C12orf42: variants seen among roughly 807,000 people sequenced by gnomAD.
The protein encoded by C12orf42 is chromosome 12 open reading frame 42.
A neutral mutation model predicts 21.6 loss-of-function variants in C12orf42; 25 were observed. The observed-to-expected ratio is 1.16, with a 90% CI of 0.84 to 1.62. The LOEUF (loss-of-function observed/expected upper bound fraction) is 1.62. Ranked by LOEUF, C12orf42 falls within the 40% of genes most tolerant of loss-of-function variation. The pLI, the probability that C12orf42 is intolerant of heterozygous loss-of-function variation, is 0.00. For synonymous variants in C12orf42, 174 were observed against 175.0 expected, an observed-to-expected ratio of 0.99 and a Z score of 0.05; for missense variants, 483 against 459.3, an observed-to-expected ratio of 1.05 and a Z score of -0.47.
intron 2 of C12orf42, among the ~76,000 whole-genome samples, chr12:103,409,712 T>C (rs2048690453): frequency 6.6e-6 from 1 of 152,160 alleles, no homozygotes; most frequent in Non-Finnish European, 1.5e-5. Context: ...TGCAGATAAA[T>C]AAGATTTTTT....
chr12:103,240,132 A>G (rs914341245), intron 10 of C12orf42, among the ~76,000 whole-genome samples: 1 of 152,218 alleles, frequency 6.6e-6, no homozygotes, highest in Non-Finnish European at 1.5e-5. Flanking sequence ...ATAAACGTCA[A>G]CATTTATTAG....
chr12:103,356,693 CCTGA>C (rs1389721840), intron 4 of C12orf42, among the ~76,000 whole-genome samples: 1 of 151,752 alleles, frequency 6.6e-6, no homozygotes, highest in African/African-American at 2.4e-5. Context: ...CCTGTTGTTT[CCTGA>C]CTTTTTAATG....
the C12orf42 span, among the ~76,000 whole-genome samples, chr12:103,192,001 T>C: frequency 6.6e-6 from 1 of 151,952 alleles, no homozygotes; most frequent in African/African-American, 2.4e-5. Flanking sequence ...AAAAATTCTA[T>C]AGTATACAAT....
At chr12:103,447,965 A>G (rs1383508474) in intron 2 of C12orf42, among the ~76,000 whole-genome samples, 3 of 152,054 alleles carry the variant, frequency 2.0e-5, no homozygotes, top group African/African-American at 7.3e-5. Flanking sequence ...ATGTGGAACC[A>G]AAAAAGAGCC....
the C12orf42 span, among the ~76,000 whole-genome samples, chr12:103,133,224 A>G: frequency 7.2e-5 from 11 of 152,028 alleles, no homozygotes; most frequent in Admixed American, 7.2e-4. Context: ...TGGCCTGCTC[A>G]ACCCATCACA....
the C12orf42 span, among the ~76,000 whole-genome samples, chr12:103,104,320 A>G: frequency 1.3e-5 from 2 of 152,368 alleles, no homozygotes; most frequent in East Asian, 3.9e-4. Context: ...ACTCCAAGAT[A>G]TCAGCATAAA....
chr12:103,491,867 G>A (rs770537576), intron 1 of C12orf42, among the ~76,000 whole-genome samples: 7 of 152,152 alleles, frequency 4.6e-5, no homozygotes, highest in Non-Finnish European at 1.0e-4. Context: ...CTTATTCTAT[G>A]AGCCAGGACT....
chr12:103,399,920 C>T (rs371402790), intron 3 of C12orf42, among the ~76,000 whole-genome samples: 2 of 151,910 alleles, frequency 1.3e-5, no homozygotes, highest in South Asian at 2.1e-4. Context: ...GTTTCATATA[C>T]ATGTGCTATA....
At chr12:103,149,426 A>G in the C12orf42 span, among the ~76,000 whole-genome samples, 1 of 152,286 alleles carries the variant, frequency 6.6e-6, no homozygotes, top group African/African-American at 2.4e-5. Context: ...TTTTTTTAGT[A>G]TAAAGAAATA....
At chr12:103,152,145 G>A in the C12orf42 span, among the ~76,000 whole-genome samples, 1 of 152,192 alleles carries the variant, frequency 6.6e-6, no homozygotes, top group African/African-American at 2.4e-5. Context: ...ACTGAATTCT[G>A]CTAATGAATG....
At chr12:103,483,556 TG>T (rs928944525) in intron 1 of C12orf42, among the ~76,000 whole-genome samples, 29 of 152,112 alleles carry the variant, frequency 1.9e-4, no homozygotes, top group African/African-American at 7.0e-4. Flanking sequence ...ACGAAAATTA[TG>T]GTTACGATTT....
At chr12:103,518,728 T>C in the C12orf42 span, among the ~76,000 whole-genome samples, 36,568 of 152,080 alleles carry the variant, frequency 0.24, 5,607 homozygotes, top group East Asian at 0.52. Context: ...TTCCAATCTA[T>C]CTTTTTTAAT....
chr12:103,287,319 G>T (rs957792120), intron 4 of C12orf42, among the ~76,000 whole-genome samples: 11 of 152,196 alleles, frequency 7.2e-5, no homozygotes, highest in African/African-American at 1.2e-4. Flanking sequence ...GTCCAACAAT[G>T]ATAGACTGGA....
rs140180185 is a variant in C12orf42, at chr12:103,389,892, G to A, written c.147+11715C>T. On this transcript the variant is annotated intron_variant, in intron 3 of 5. Coordinates refer to ENST00000548883, the MANE Select transcript of C12orf42 (RefSeq NM_198521.5). ...CCTTAGATCTCTCTGGGGCCATTGT[G>A]CTCTTTCCTGAAACACAATCTTTGG... Among the ~76,000 whole-genome samples, 1,481 of 152,278 alleles carry A rather than the reference G, an allele frequency of 9.7e-3. 11 individuals carry two copies. The highest frequency in any genetic ancestry group is 0.014 in the Non-Finnish European group (953 of 68,008).
At chr12:103,312,851 G>A (rs2136672102) in intron 4 of C12orf42, among the ~76,000 whole-genome samples, 1 of 152,312 alleles carries the variant, frequency 6.6e-6, no homozygotes, top group Middle Eastern at 3.4e-3. Flanking sequence ...CTTTTGAGCT[G>A]CAAAGCAGTT....
the C12orf42 span, among the ~76,000 whole-genome samples, chr12:103,519,644 C>A: frequency 6.6e-6 from 1 of 152,100 alleles, no homozygotes; most frequent in Non-Finnish European, 1.5e-5. Flanking sequence ...CAGAAAAAAA[C>A]ATAAGAACAT....
chr12:103,191,951 C>G, the C12orf42 span, among the ~76,000 whole-genome samples: 1 of 151,836 alleles, frequency 6.6e-6, no homozygotes, highest in South Asian at 2.1e-4. Context: ...ACTGTTATAG[C>G]AATAAAAAGT....
chr12:103,164,437 G>A, the C12orf42 span: 1 of 455,894 alleles, frequency 2.2e-6, no homozygotes, highest in South Asian at 1.5e-5. Flanking sequence ...ATATTTTCAT[G>A]GTAAGTTCTG....
At chr12:103,144,803 G>T in the C12orf42 span, among the ~76,000 whole-genome samples, 1 of 152,136 alleles carries the variant, frequency 6.6e-6, no homozygotes, top group East Asian at 1.9e-4. Flanking sequence ...AAGCAGAAAG[G>T]GATTTTGGGG....
Sources: gnomAD v4.1 joint callset for allele counts (sites outside exome capture counted in the v4.1 genomes callset) on GRCh38, gnomAD v4.1.1 for gene constraint, MANE v1.5 for transcripts, NCBI Gene and HGNC (gene_info 2026-07-23, HGNC 2026-07-21) for gene names.